ZIM2: variants seen among roughly 807,000 people sequenced by gnomAD.
ZIM2 encodes zinc finger imprinted 2.
In ZIM2, 14 loss-of-function variants were observed where a neutral mutation model predicts 38.6. The observed-to-expected ratio is 0.36, with a 90% confidence interval of 0.24 to 0.57. The LOEUF (loss-of-function observed/expected upper bound fraction) is 0.57, where lower values mean the gene tolerates loss of function less well. ZIM2 is among the 20% of genes least tolerant of loss of function. The pLI, the probability that ZIM2 is intolerant of heterozygous loss-of-function variation, is 0.81. For synonymous variants in ZIM2, 247 were observed against 245.8 expected, an observed-to-expected ratio of 1.00 and a Z score of -0.04; for missense variants, 680 against 695.1, an observed-to-expected ratio of 0.98 and a Z score of 0.24.
intron 12 of ZIM2, 111 bp from the exon 13 acceptor site, chr19:56,775,640 G>T: frequency 1.4e-6 from 2 of 1,463,266 alleles, no homozygotes; most frequent in Admixed American, 2.4e-5. Context: ...TTGGTTTCAG[G>T]TCTCTTTTCC....
intron 8 of ZIM2, 54 bp downstream of exon 8, chr19:56,818,546 G>T: frequency 6.3e-7 from 1 of 1,593,026 alleles, no homozygotes; most frequent in Non-Finnish European, 8.6e-7. Flanking sequence ...GGAGCAAGAT[G>T]ACAAAATGCT....
At chr19:56,829,880 T>C (rs1183483961) in intron 2 of ZIM2, among the ~76,000 whole-genome samples, 2 of 152,190 alleles carry the variant, frequency 1.3e-5, no homozygotes, top group Non-Finnish European at 2.9e-5. Context: ...TGGCCCCCAC[T>C]TCCCCAGGCC....
intron 2 of ZIM2, chr19:56,833,389 T>C: frequency 2.9e-6 from 1 of 346,930 alleles, no homozygotes; most frequent in Non-Finnish European, 5.7e-6. Flanking sequence ...GTCTCGTCTC[T>C]CTTCTTGTTT....
At chr19:56,780,803 A>T (rs2046297913) in intron 11 of ZIM2, among the ~76,000 whole-genome samples, 1 of 152,212 alleles carries the variant, frequency 6.6e-6, no homozygotes, top group Non-Finnish European at 1.5e-5. Context: ...CAGAAGGCTT[A>T]AAGGAAAATT....
chr19:56,802,863 A>C (rs539686232), intron 9 of ZIM2, among the ~76,000 whole-genome samples: 1 of 152,302 alleles, frequency 6.6e-6, no homozygotes, highest in African/African-American at 2.4e-5. Context: ...AAAGCTAAAA[A>C]CCCAGCTCAC....
intron 12 of ZIM2, among the ~76,000 whole-genome samples, chr19:56,777,806 C>T (rs955812458): frequency 3.0e-4 from 46 of 152,182 alleles, no homozygotes; most frequent in African/African-American, 1.1e-3. Flanking sequence ...AACCTCCCCC[C>T]ATCTTTGCAT....
At position 56,815,285 on chromosome 19, in the gene ZIM2, A is replaced by G. The variant is rs1440578312; in HGVS notation, c.490+2461T>C. ...TCGCCATGAGACTTCTCTTGGTCAT[A>G]GATTTTCTGGTTTGTGTTGAGGTCT... On this transcript the variant is annotated intron_variant, in intron 9 of 12. Transcript: ENST00000629319. The G allele has an allele frequency of 6.2e-7, 1 of 1,614,052 alleles. No homozygotes were observed. The highest frequency in any genetic ancestry group is 1.3e-5 in the African/African-American group (1 of 74,908).
chr19:56,821,384 G>A (rs2060470787), intron 7 of ZIM2, among the ~76,000 whole-genome samples: 1 of 152,268 alleles, frequency 6.6e-6, no homozygotes. Flanking sequence ...GGCCCTGTAG[G>A]GAACGGCCAA....
At chr19:56,840,049 C>T (rs777081591) in intron 1 of ZIM2, among the ~76,000 whole-genome samples, 5 of 152,234 alleles carry the variant, frequency 3.3e-5, no homozygotes, top group Non-Finnish European at 7.3e-5. Flanking sequence ...AGAGGGTAGC[C>T]GGGCACGCCG....
chr19:56,793,771 A>G lies in ZIM2; in HGVS notation c.491-3820T>C, dbSNP rs1044648996. 2.0e-5 allele frequency among the ~76,000 whole-genome samples: 3 copies of G among 152,334 alleles called. No individual in the cohort carries two copies. The East Asian group carries it at 5.8e-4, about 29-fold the overall frequency. ...TGATATATTTGTATATTGGAATGCT[A>G]AACAGAAAATATGAATGTTAAGTTG... On this transcript the variant is annotated intron_variant, in intron 9 of 12. Coordinates refer to ENST00000629319, the MANE Select transcript of ZIM2 (RefSeq NM_001387356.1).
At chr19:56,838,172 C>G (rs2062414145) in intron 1 of ZIM2, among the ~76,000 whole-genome samples, 1 of 152,224 alleles carries the variant, frequency 6.6e-6, no homozygotes, top group Non-Finnish European at 1.5e-5. Flanking sequence ...GCCCTACAGC[C>G]AACCCAGCAG....
In ZIM2 at chr19:56,814,853, C is replaced by T. The variant is rs2059825228; in HGVS notation, c.490+2893G>A. The T allele has an allele frequency of 6.2e-7, 1 of 1,614,040 alleles. No homozygotes were observed. The highest frequency in any genetic ancestry group is 1.3e-5 in the African/African-American group (1 of 74,922). On this transcript the variant is annotated intron_variant, in intron 9 of 12. Coordinates refer to ENST00000629319, the MANE Select transcript of ZIM2 (RefSeq NM_001387356.1). This position sits in a 1 kb window ranked among gnomAD's most constrained non-coding sequence, Gnocchi z 5.8. Reference sequence around the variant, plus strand: ...GGCAAGAGGGCAATAAAACCATCATCACACCCCTTCATGGAATACAACTGG... The same window carrying T: ...GGCAAGAGGGCAATAAAACCATCATTACACCCCTTCATGGAATACAACTGG...
intron 9 of ZIM2, chr19:56,791,355 T>C (rs913981359): frequency 1.3e-5 from 2 of 152,240 alleles, no homozygotes; most frequent in African/African-American, 4.8e-5. Flanking sequence ...TGAATTAACA[T>C]GAAAGAACAC....
intron 1 of ZIM2, among the ~76,000 whole-genome samples, chr19:56,839,490 C>CA (rs1473556993): frequency 6.7e-6 from 1 of 149,450 alleles, no homozygotes; most frequent in African/African-American, 2.5e-5. Flanking sequence ...CCCCATATGC[C>CA]ACCAACCAAC....
chr19:56,805,720 C>G (rs915005740), intron 9 of ZIM2, among the ~76,000 whole-genome samples: 2 of 152,120 alleles, frequency 1.3e-5, no homozygotes, highest in African/African-American at 4.8e-5. Context: ...CCCCCCAAAC[C>G]CCAAAGTGTG....
intron 6 of ZIM2, 132 bp from the exon 7 acceptor site, chr19:56,821,886 T>C (rs1175892544): frequency 7.4e-6 from 7 of 944,604 alleles, no homozygotes; most frequent in Non-Finnish European, 1.1e-5. Flanking sequence ...TTCTCTGCAT[T>C]CTGTGGCAGC....
intron 7 of ZIM2, among the ~76,000 whole-genome samples, chr19:56,818,975 C>T (rs2060229711): frequency 6.6e-6 from 1 of 152,084 alleles, no homozygotes; most frequent in African/African-American, 2.4e-5. Context: ...ACTCATGAAA[C>T]AATTAGAGAA....
At chr19:56,838,150 CCT>C (rs1410954322) in intron 1 of ZIM2, among the ~76,000 whole-genome samples, 2 of 152,220 alleles carry the variant, frequency 1.3e-5, no homozygotes, top group Non-Finnish European at 2.9e-5. Context: ...GTCACTCAGT[CCT>C]CTGCACCCGG....
intron 2 of ZIM2, among the ~76,000 whole-genome samples, chr19:56,835,763 G>A (rs928268187): frequency 6.6e-6 from 1 of 152,168 alleles, no homozygotes; most frequent in African/African-American, 2.4e-5. Flanking sequence ...CACCAGGCAA[G>A]AGAAAAAGAG....
Sources: allele counts gnomAD v4.1 joint callset (sites outside exome capture counted in the v4.1 genomes callset), GRCh38; gene constraint gnomAD v4.1.1; non-coding constraint Gnocchi (gnomAD v3.1); transcripts MANE v1.5; gene names NCBI Gene and HGNC (gene_info 2026-07-23, HGNC 2026-07-21).